LARGE1: variants seen among roughly 807,000 people sequenced by gnomAD.
LARGE1 encodes xylosyl- and glucuronyltransferase LARGE1.
A neutral mutation model predicts 87.6 loss-of-function variants in LARGE1; 43 were observed. The ratio of observed to expected loss-of-function variants is 0.49; its 90% CI spans 0.38 to 0.63. The LOEUF is 0.63. Among genes scored for constraint, LARGE1 ranks in the 30% least tolerant of loss-of-function variants. The probability of loss-of-function intolerance (pLI) is 0.00; values close to 1 mark genes in which losing one functional copy is unlikely to be tolerated. For missense variants in LARGE1, 802 were observed against 1,000.2 expected (o/e 0.80, Z 2.67); for synonymous variants, 434 against 394.6 (o/e 1.10, Z -1.18).
At chr22:33,868,720 C>T (rs2064183025) in intron 1 of LARGE1, among the ~76,000 whole-genome samples, 1 of 152,282 alleles carries the variant, frequency 6.6e-6, no homozygotes, top group East Asian at 1.9e-4. Context: ...TGATTGCCCA[C>T]GCCCTGGTCT....
intron 6 of LARGE1, among the ~76,000 whole-genome samples, chr22:33,469,291 T>A (rs1297896242): frequency 6.6e-6 from 1 of 152,112 alleles, no homozygotes; most frequent in Non-Finnish European, 1.5e-5. Flanking sequence ...TAGATGCCCA[T>A]CAACAGTAGA....
chr22:33,291,609 A>G (rs1419462734), intron 12 of LARGE1, among the ~76,000 whole-genome samples: 1 of 151,950 alleles, frequency 6.6e-6, no homozygotes, highest in African/African-American at 2.4e-5. Context: ...TATTCATTAC[A>G]TTAATACATT....
rs2080706299 is a variant in LARGE1 at position 33,648,950 on chromosome 22, G to C, written c.408+1417C>G. Among the ~76,000 whole-genome samples, 3 of 152,302 alleles carry C rather than the reference G, an allele frequency of 2.0e-5. No homozygotes were observed. In the South Asian group the frequency reaches 6.2e-4, roughly 32 times the overall value. ...GTGCAATATGTTTGCTGAACGAATG[G>C]ATAAATAAATGAATGATGATGATGG... On this transcript the variant is annotated intron_variant, in intron 3 of 14. Coordinates refer to ENST00000397394, the MANE Select transcript of LARGE1 (RefSeq NM_133642.5).
intron 2 of LARGE1, among the ~76,000 whole-genome samples, chr22:33,653,473 C>G (rs1258427760): frequency 6.6e-6 from 1 of 152,178 alleles, no homozygotes; most frequent in Non-Finnish European, 1.5e-5. Context: ...GCAGGAAGCT[C>G]AACAGGGTCT....
At chr22:33,533,222 G>A (rs868860339) in intron 6 of LARGE1, among the ~76,000 whole-genome samples, 3 of 152,080 alleles carry the variant, frequency 2.0e-5, no homozygotes, top group Non-Finnish European at 4.4e-5. Flanking sequence ...GTGTTGTTCG[G>A]CTTTTTTAGG....
chr22:33,147,716 C>T, the LARGE1 span, among the ~76,000 whole-genome samples: 20 of 152,226 alleles, frequency 1.3e-4, no homozygotes, highest in South Asian at 2.1e-4. Flanking sequence ...ATTTGGTTTT[C>T]GGCAGTTTTT....
chr22:33,185,127 C>T (rs1297437662), intron 11 of LARGE1, among the ~76,000 whole-genome samples: 4 of 152,062 alleles, frequency 2.6e-5, no homozygotes, highest in African/African-American at 9.7e-5. Flanking sequence ...GCTGTATTCA[C>T]AATTGTCCAA....
At chr22:33,404,939 A>G (rs1237602744) in intron 7 of LARGE1, among the ~76,000 whole-genome samples, 1 of 152,170 alleles carries the variant, frequency 6.6e-6, no homozygotes, top group Non-Finnish European at 1.5e-5. Context: ...GGTGATTCTT[A>G]GTCATCACGG....
chr22:33,184,302 G>A (rs887870492), intron 11 of LARGE1, among the ~76,000 whole-genome samples: 3 of 151,028 alleles, frequency 2.0e-5, no homozygotes, highest in Admixed American at 6.6e-5. Context: ...ACCTAGATAA[G>A]CTGAAAATAT....
chr22:33,742,631 T>C (rs141897252), intron 2 of LARGE1, among the ~76,000 whole-genome samples: 2 of 152,332 alleles, frequency 1.3e-5, no homozygotes, highest in Non-Finnish European at 2.9e-5. Context: ...CTTTCTACCC[T>C]ACCACATGGC....
chr22:33,598,192 A>G (rs1462572223), intron 5 of LARGE1, among the ~76,000 whole-genome samples: 3 of 152,160 alleles, frequency 2.0e-5, no homozygotes, highest in African/African-American at 7.2e-5. Context: ...CTGGAGTCAG[A>G]CAGTTCTGGA....
chr22:33,068,810 G>A, the LARGE1 span, among the ~76,000 whole-genome samples: 1 of 152,128 alleles, frequency 6.6e-6, no homozygotes, highest in African/African-American at 2.4e-5. Flanking sequence ...AAAACAGCAC[G>A]TGCCTCAGGA....
intron 11 of LARGE1, among the ~76,000 whole-genome samples, chr22:33,199,886 G>A (rs1034157559): frequency 6.7e-6 from 1 of 149,034 alleles, no homozygotes; most frequent in African/African-American, 2.5e-5. Context: ...GTCTTACTCT[G>A]TCGCCCAGGC....
intron 9 of LARGE1, among the ~76,000 whole-genome samples, chr22:33,343,985 T>A (rs930228788): frequency 1.3e-5 from 2 of 152,180 alleles, no homozygotes; most frequent in Non-Finnish European, 2.9e-5. Context: ...GCAGGAAGCA[T>A]CCAGCACGGG....
chr22:33,862,386 C>T (rs930827390), intron 1 of LARGE1, among the ~76,000 whole-genome samples: 3 of 152,152 alleles, frequency 2.0e-5, no homozygotes, highest in African/African-American at 4.8e-5. Flanking sequence ...AGGTTATATC[C>T]GAACATCTTG....
intron 7 of LARGE1, among the ~76,000 whole-genome samples, chr22:33,391,335 A>T (rs981729706): frequency 6.6e-6 from 1 of 152,184 alleles, no homozygotes; most frequent in Non-Finnish European, 1.5e-5. Flanking sequence ...GGAAACAGGT[A>T]ATCACAAAAA....
chr22:33,245,258 AG>A (rs1926703062), intron 11 of LARGE1, among the ~76,000 whole-genome samples: 1 of 152,232 alleles, frequency 6.6e-6, no homozygotes, highest in African/African-American at 2.4e-5. Flanking sequence ...GTTTAATGAG[AG>A]GAATGGGCAA....
Position 33,614,273 on chromosome 22 carries a change from A to T in LARGE1, c.492-9715T>A, listed in dbSNP as rs963123463. Among the ~76,000 whole-genome samples, 5 of 152,304 alleles carry T rather than the reference A, an allele frequency of 3.3e-5. No individual in the cohort carries two copies. In the East Asian group the frequency reaches 9.7e-4, roughly 29 times the overall value. ...CAACAAGGACTGGCAGGAAGTGAGG[A>T]CTTAGTAAATGTTAGCCTCATTATC... On this transcript the variant is annotated intron_variant, in intron 4 of 14. Coordinates refer to ENST00000397394, the MANE Select transcript of LARGE1 (RefSeq NM_133642.5).
At chr22:33,849,464 A>G (rs758406033) in intron 1 of LARGE1, among the ~76,000 whole-genome samples, 16 of 152,146 alleles carry the variant, frequency 1.1e-4, no homozygotes, top group Non-Finnish European at 2.2e-4. Context: ...AATTAGGACT[A>G]CATCCTTCAA....
Sources: allele counts gnomAD v4.1 joint callset (sites outside exome capture counted in the v4.1 genomes callset), GRCh38; gene constraint gnomAD v4.1.1; transcripts MANE v1.5; gene names NCBI Gene and HGNC (gene_info 2026-07-23, HGNC 2026-07-21).